The following GRM7 variants were observed in gnomAD, a reference collection of about 807,000 sequenced individuals.
The protein encoded by GRM7 is metabotropic glutamate receptor 7.
A neutral mutation model predicts 84.5 loss-of-function variants in GRM7; 35 were observed. The ratio of observed to expected loss-of-function variants is 0.41; its 90% confidence interval spans 0.32 to 0.55. The LOEUF (loss-of-function observed/expected upper bound fraction) is 0.55. GRM7 is among the 20% of genes least tolerant of loss of function. The pLI is 0.19. For synonymous variants in GRM7, 487 were observed against 455.1 expected (o/e 1.07, Z -0.89); for missense variants, 1,003 against 1,194.6 (o/e 0.84, Z 2.36).
At chr3:7,449,234 TA>T (rs1306953353) in intron 5 of GRM7, among the ~76,000 whole-genome samples, 4 of 152,082 alleles carry the variant, frequency 2.6e-5, no homozygotes, top group Admixed American at 6.6e-5. Context: ...ACCATACTTA[TA>T]ATAGCAAAAA....
rs530626083 is a variant in GRM7, at chr3:7,361,424, C to T, written c.1034-53599C>T. On this transcript the variant is annotated intron_variant, in intron 4 of 9. Coordinates refer to ENST00000357716, the MANE Select transcript of GRM7 (RefSeq NM_000844.4). ...ATATTTTATTGCAAACTAGTGTCCT[C>T]TTGAGCCTACTGCCTATTTTCTGCA... 3.9e-5 allele frequency among the ~76,000 whole-genome samples: 6 copies of T among 152,224 alleles called. No homozygotes were observed. In the East Asian group the frequency reaches 1.2e-3, roughly 29 times the overall value.
chr3:7,289,884 G>A (rs1278708460), intron 2 of GRM7, among the ~76,000 whole-genome samples: 3 of 150,958 alleles, frequency 2.0e-5, no homozygotes, highest in Admixed American at 6.6e-5. Flanking sequence ...GAGAGGGATA[G>A]CATTAGGAGA....
chr3:7,037,532 T>G (rs1341847102), intron 1 of GRM7, among the ~76,000 whole-genome samples: 2 of 152,168 alleles, frequency 1.3e-5, no homozygotes, highest in East Asian at 3.9e-4. Context: ...CCACGAACAT[T>G]AGTTATTACT....
At chr3:7,129,692 C>A (rs1314530308) in intron 1 of GRM7, among the ~76,000 whole-genome samples, 11 of 152,208 alleles carry the variant, frequency 7.2e-5, no homozygotes, top group Non-Finnish European at 1.5e-5. Flanking sequence ...AAACTATGAA[C>A]AACACTGAGA....
At chr3:7,491,078 A>G (rs928642508) in intron 7 of GRM7, among the ~76,000 whole-genome samples, 5 of 152,094 alleles carry the variant, frequency 3.3e-5, no homozygotes, top group African/African-American at 1.2e-4. Context: ...ACAAATAAAA[A>G]CATTTCTATA....
At chr3:7,543,090 A>G (rs1242671239) in intron 7 of GRM7, among the ~76,000 whole-genome samples, 2 of 152,194 alleles carry the variant, frequency 1.3e-5, no homozygotes, top group Non-Finnish European at 2.9e-5. Flanking sequence ...GAATGAATGA[A>G]TAAGCCAGAA....
intron 1 of GRM7, among the ~76,000 whole-genome samples, chr3:7,090,190 A>G (rs1698613280): frequency 1.3e-5 from 2 of 152,172 alleles, no homozygotes; most frequent in Admixed American, 1.3e-4. Context: ...GAAGGGTAAA[A>G]CATTTTAAAA....
chr3:7,481,815 C>T (rs1699140702), intron 7 of GRM7, among the ~76,000 whole-genome samples: 1 of 152,188 alleles, frequency 6.6e-6, no homozygotes, highest in Non-Finnish European at 1.5e-5. Context: ...CTCAACGATG[C>T]AAACTGTCCT....
chr3:7,472,633 A>C (rs1698749907), intron 7 of GRM7, among the ~76,000 whole-genome samples: 1 of 152,180 alleles, frequency 6.6e-6, no homozygotes, highest in African/African-American at 2.4e-5. Context: ...CCATCCACTG[A>C]AAGTGAGTAG....
chr3:7,288,990 T>C (rs9874808), intron 2 of GRM7, among the ~76,000 whole-genome samples: 6,196 of 152,274 alleles, frequency 0.041, 390 homozygotes, highest in African/African-American at 0.13. Context: ...TGCCTGCTTT[T>C]TTCCCCATAT....
At chr3:7,407,911 G>T (rs1001483374) in intron 4 of GRM7, among the ~76,000 whole-genome samples, 5 of 152,066 alleles carry the variant, frequency 3.3e-5, no homozygotes, top group African/African-American at 1.2e-4. Context: ...CCTTATATGT[G>T]TGTCTGAGAT....
At chr3:6,967,253 A>G (rs1215122417) in intron 1 of GRM7, among the ~76,000 whole-genome samples, 1 of 152,146 alleles carries the variant, frequency 6.6e-6, no homozygotes, top group Non-Finnish European at 1.5e-5. Context: ...CATTGACACA[A>G]TCACAGCTCA....
At chr3:7,258,901 G>A (rs1353783384) in intron 2 of GRM7, among the ~76,000 whole-genome samples, 1 of 152,176 alleles carries the variant, frequency 6.6e-6, no homozygotes, top group Non-Finnish European at 1.5e-5. Flanking sequence ...AGGTAAATGT[G>A]GCAATCCAAG....
At chr3:6,929,768 C>T (rs1697434858) in intron 1 of GRM7, among the ~76,000 whole-genome samples, 1 of 152,132 alleles carries the variant, frequency 6.6e-6, no homozygotes, top group African/African-American at 2.4e-5. Context: ...GATTACAATC[C>T]TAAGTGGCCT....
intron 1 of GRM7, among the ~76,000 whole-genome samples, chr3:7,121,233 T>C (rs868506149): frequency 6.6e-6 from 1 of 152,294 alleles, no homozygotes. Context: ...CTAATTGACC[T>C]TTAGTCCCAT....
intron 1 of GRM7, among the ~76,000 whole-genome samples, chr3:7,039,928 A>T (rs754483985): frequency 3.3e-5 from 5 of 152,196 alleles, no homozygotes; most frequent in African/African-American, 1.2e-4. Context: ...AAGGCATTTT[A>T]AAAATGATGA....
chr3:6,984,208 A>G (rs1029483384), intron 1 of GRM7, among the ~76,000 whole-genome samples: 1 of 152,258 alleles, frequency 6.6e-6, no homozygotes, highest in Non-Finnish European at 1.5e-5. Flanking sequence ...AGGCCGTAGA[A>G]ACTTGTTATT....
At chr3:7,491,230 T>C (rs1341794909) in intron 7 of GRM7, among the ~76,000 whole-genome samples, 1 of 151,954 alleles carries the variant, frequency 6.6e-6, no homozygotes, top group African/African-American at 2.4e-5. Context: ...TGAGCAAAAA[T>C]TTTTACAAAA....
intron 8 of GRM7, among the ~76,000 whole-genome samples, chr3:7,665,168 CTTTTTTTTTT>C (rs34966790): frequency 9.8e-6 from 1 of 102,524 alleles, no homozygotes; most frequent in South Asian, 3.1e-4. Flanking sequence ...GCCCATGATT[CTTTTTTTTTT>C]TTTTTTTTTT....
Sources: allele counts gnomAD v4.1 joint callset (sites outside exome capture counted in the v4.1 genomes callset), GRCh38; gene constraint gnomAD v4.1.1; transcripts MANE v1.5; gene names NCBI Gene and HGNC (gene_info 2026-07-23, HGNC 2026-07-21).